LRP5: variants seen among roughly 807,000 people sequenced by gnomAD.
The protein encoded by LRP5 is LDL receptor related protein 5, also known as low-density lipoprotein receptor-related protein 5.
A neutral mutation model predicts 154.1 loss-of-function variants in LRP5; 62 were observed. That is an observed-to-expected ratio of 0.40 (90% CI 0.33 to 0.50). LRP5 has a LOEUF of 0.50. Ranked by LOEUF, LRP5 falls within the 20% of genes least tolerant of loss-of-function variation. The pLI is 0.55. For synonymous variants in LRP5, 966 were observed against 1,011.5 expected, an observed-to-expected ratio of 0.96 and a Z score of 0.85; for missense variants, 1,915 against 2,336.7, an observed-to-expected ratio of 0.82 and a Z score of 3.72.
chr11:68,400,141 A>G (rs1225255273), intron 7 of LRP5, among the ~76,000 whole-genome samples: 1 of 152,072 alleles, frequency 6.6e-6, no homozygotes, highest in Non-Finnish European at 1.5e-5. Flanking sequence ...CCGAGGCTAC[A>G]GCCAGCCCCA....
intron 9 of LRP5, among the ~76,000 whole-genome samples, chr11:68,407,389 C>T (rs1242480741): frequency 6.6e-6 from 1 of 151,328 alleles, no homozygotes; most frequent in African/African-American, 2.4e-5. Context: ...CCAGGCTGGT[C>T]TTGAACTCCT....
chr11:68,413,896 A>G lies in LRP5; in HGVS notation c.2711A>G (p.Asn904Ser), dbSNP rs752844724. The G allele has an allele frequency of 1.9e-6, 3 of 1,612,986 alleles. No individual in the cohort carries two copies. Among genetic ancestry groups the G allele is most frequent in the South Asian group, 2.2e-5 (2 of 91,084 alleles). Residue 904 changes from asparagine to serine, a missense_variant, in exon 12 of 23, where the codon AAT (asparagine) becomes AGT (serine). By Grantham distance (46) the Asn-to-Ser change is conservative. This residue lies in a region of LRP5 where 1,094 missense variants were observed against 1,210.1 expected (regional missense o/e 0.90). Transcript: ENST00000294304. This position sits in a 1 kb window ranked among gnomAD's most constrained non-coding sequence, Gnocchi z 5.1. ...VFHSSRQDGL[N>S]DCMHNNGQCG... Reference sequence around the variant, plus strand: ...CACTCCTCCCGCCAGGATGGCCTCAATGACTGTATGCACAACAACGGGCAG... The same window carrying G: ...CACTCCTCCCGCCAGGATGGCCTCAGTGACTGTATGCACAACAACGGGCAG...
At chr11:68,332,309 A>G (rs2098603301) in intron 1 of LRP5, among the ~76,000 whole-genome samples, 1 of 152,234 alleles carries the variant, frequency 6.6e-6, no homozygotes, top group Non-Finnish European at 1.5e-5. Flanking sequence ...CAGCTCGCTC[A>G]TTCTTGATGG....
In LRP5 at chr11:68,327,448, T is replaced by C. The variant is rs191942534; in HGVS notation, c.91+14643T>C. Reference sequence around the variant, plus strand: ...ACCCACTGGCTGCGGCTCCTGTGCTTGACCCTTTTGGCAAAGATATGCAGT... The same window carrying C: ...ACCCACTGGCTGCGGCTCCTGTGCTCGACCCTTTTGGCAAAGATATGCAGT... On this transcript the variant is annotated intron_variant, in intron 1 of 22. Coordinates refer to ENST00000294304, the MANE Select transcript of LRP5 (RefSeq NM_002335.4). 5.9e-3 allele frequency among the ~76,000 whole-genome samples: 894 copies of C among 152,336 alleles called. 5 individuals are homozygous for C. Among genetic ancestry groups the C allele is most frequent in the Non-Finnish European group, 7.6e-3 (517 of 68,022 alleles).
At chr11:68,404,755 G>A (rs933364776) in intron 8 of LRP5, among the ~76,000 whole-genome samples, 9 of 152,068 alleles carry the variant, frequency 5.9e-5, no homozygotes, top group African/African-American at 2.2e-4. Flanking sequence ...TGGATCATGA[G>A]GTCAGGAGAT....
intron 16 of LRP5, 55 bp from the exon 17 acceptor site, chr11:68,429,520 G>A (rs925009140): frequency 6.2e-7 from 1 of 1,612,210 alleles, no homozygotes; most frequent in Non-Finnish European, 8.5e-7. Context: ...CCAGGCTGTG[G>A]TTCTGAGGTG....
intron 3 of LRP5, among the ~76,000 whole-genome samples, chr11:68,360,914 G>A (rs1296284782): frequency 2.7e-5 from 4 of 148,840 alleles, no homozygotes; most frequent in Admixed American, 2.0e-4. Flanking sequence ...GGAGAATGGC[G>A]TGAACCTGGG....
Position 68,363,958 on chromosome 11 carries a change from G to T in LRP5, c.883+15G>T. 6.3e-7 allele frequency: 1 copy of T among 1,585,344 alleles called. No homozygotes were observed. The highest frequency in any genetic ancestry group is 8.6e-7 in the Non-Finnish European group (1 of 1,164,440). Reference sequence around the variant, plus strand: ...GCAGCCTTTCTGTGAGTGCCGGCTGGGGCGCGGGGGCGAGGGTGCGGGGGC... The same window carrying T: ...GCAGCCTTTCTGTGAGTGCCGGCTGTGGCGCGGGGGCGAGGGTGCGGGGGC... On this transcript the variant is annotated intron_variant, in intron 4 of 22. Coordinates refer to ENST00000294304, the MANE Select transcript of LRP5 (RefSeq NM_002335.4).
upstream of LRP5, among the ~76,000 whole-genome samples, chr11:68,308,466 A>C (rs977534156): frequency 6.6e-6 from 1 of 152,152 alleles, no homozygotes; most frequent in African/African-American, 2.4e-5. Context: ...GAGAGTGAAC[A>C]TTTCCAAATT....
intron 21 of LRP5, among the ~76,000 whole-genome samples, chr11:68,442,820 T>C (rs1279750063): frequency 3.3e-5 from 5 of 152,168 alleles, no homozygotes; most frequent in African/African-American, 1.2e-4. Flanking sequence ...GGTCGTTCGG[T>C]TGGTAGGCAG....
At chr11:68,421,808 T>C (rs1030998800) in intron 13 of LRP5, among the ~76,000 whole-genome samples, 48 of 148,126 alleles carry the variant, frequency 3.2e-4, no homozygotes, top group Non-Finnish European at 5.1e-4. Context: ...TGTGTGTGTG[T>C]GTGTGCGCGT....
intron 1 of LRP5, among the ~76,000 whole-genome samples, chr11:68,338,867 GTTTTTT>G (rs11382677): frequency 4.4e-5 from 4 of 91,940 alleles, no homozygotes; most frequent in South Asian, 3.9e-4. Flanking sequence ...CTTTTGTTTA[GTTTTTT>G]TTTTTTTTTT....
At chr11:68,360,082 C>T (rs1430933633) in intron 3 of LRP5, among the ~76,000 whole-genome samples, 5 of 152,058 alleles carry the variant, frequency 3.3e-5, no homozygotes, top group African/African-American at 4.8e-5. Context: ...AGCCACCACA[C>T]GCGGCCACAG....
intron 7 of LRP5, among the ~76,000 whole-genome samples, chr11:68,398,608 A>G (rs1319605462): frequency 1.3e-5 from 2 of 151,976 alleles, no homozygotes; most frequent in East Asian, 1.9e-4. Context: ...TTTTCACACC[A>G]TGCTCAAGCT....
At position 68,447,942 on chromosome 11, in the gene LRP5, G is replaced by A. The variant is rs1461466191; in HGVS notation, c.4587-867G>A. Among the ~76,000 whole-genome samples, 1 of 152,086 alleles carries A rather than the reference G, an allele frequency of 6.6e-6. No homozygotes were observed. The highest frequency in any genetic ancestry group is 1.9e-4 in the East Asian group (1 of 5,196). On this transcript the variant is annotated intron_variant, in intron 22 of 22. Transcript: ENST00000294304. The surrounding 1 kb of genome is among the most constrained non-coding windows in gnomAD (Gnocchi z 4.3). ...TTGAACTCAGGATGGAAGTGTTCCG[G>A]GCCCATTGGTTGCTGTATTAGCCTG...
chr11:68,324,360 C>T (rs1416759586), intron 1 of LRP5, among the ~76,000 whole-genome samples: 1 of 152,224 alleles, frequency 6.6e-6, no homozygotes, highest in Non-Finnish European at 1.5e-5. Flanking sequence ...CTTGTGTGCC[C>T]AGTGTGGCCC....
rs947310948 is a variant in LRP5, at chr11:68,445,683, G to A, written c.4489-753G>A. ...TGGGGTGCCGTCAGTGGCACTTGTG[G>A]AAGGTGCAGACCTGTGTGGGTGTGT... is the stretch of plus-strand genomic sequence containing the variant. On this transcript the variant is annotated intron_variant, in intron 21 of 22. Coordinates refer to ENST00000294304, the MANE Select transcript of LRP5 (RefSeq NM_002335.4). The A allele has an allele frequency of 6.8e-6, 9 of 1,317,530 alleles. No individual in the cohort carries two copies. The African/African-American group carries it at 1.3e-4, about 20-fold the overall frequency. The allele number at this position is 1,317,530 out of a possible 1,614,324, so 81.6% of individuals were successfully genotyped here.
chr11:68,312,448 G>A (rs2098588706), upstream of LRP5, among the ~76,000 whole-genome samples: 1 of 148,206 alleles, frequency 6.7e-6, no homozygotes, highest in Non-Finnish European at 1.5e-5. Flanking sequence ...GGGGACCTGC[G>A]CCGCTGGGGC....
At chr11:68,305,256 T>G in the LRP5 span, among the ~76,000 whole-genome samples, 1 of 151,926 alleles carries the variant, frequency 6.6e-6, no homozygotes, top group East Asian at 1.9e-4. Context: ...CTCCCTGCTC[T>G]CTCTCTCTCT....
Sources: gnomAD v4.1 joint callset for allele counts (sites outside exome capture counted in the v4.1 genomes callset) on GRCh38, gnomAD v4.1.1 for gene constraint, gnomAD v4.1.1 regional missense constraint, Gnocchi (gnomAD v3.1) non-coding constraint, MANE v1.5 for transcripts, NCBI Gene and HGNC (gene_info 2026-07-23, HGNC 2026-07-21) for gene names.